BMPER: variants seen among roughly 807,000 people sequenced by gnomAD.
BMPER encodes the protein BMP binding endothelial regulator, also known as BMP-binding endothelial regulator protein.
A neutral mutation model predicts 87.3 loss-of-function variants in BMPER; 45 were observed. The ratio of observed to expected loss-of-function variants is 0.52; its 90% confidence interval spans 0.41 to 0.66. The LOEUF (loss-of-function observed/expected upper bound fraction) is 0.66. BMPER is among the 30% of genes least tolerant of loss of function. The pLI is 0.00. For synonymous variants in BMPER, 326 were observed against 316.2 expected (o/e 1.03, Z -0.33); for missense variants, 784 against 867.5 (o/e 0.90, Z 1.21).
At chr7:34,058,306 A>G (rs1257160055) in intron 10 of BMPER, 143 bp downstream of exon 10, 1 of 790,958 alleles carries the variant, frequency 1.3e-6, no homozygotes, top group Non-Finnish European at 2.2e-6. Context: ...CCTCTTGCAA[A>G]GTTTGCTCAT....
chr7:33,923,246 A>G (rs1026980743), intron 2 of BMPER, among the ~76,000 whole-genome samples: 4 of 152,334 alleles, frequency 2.6e-5, no homozygotes, highest in Middle Eastern at 3.4e-3. Flanking sequence ...ATAACAGAGA[A>G]GAAAAACTTA....
chr7:33,937,526 G>A (rs1188432565), intron 3 of BMPER, 138 bp downstream of exon 3: 2 of 779,558 alleles, frequency 2.6e-6, no homozygotes, highest in Non-Finnish European at 4.4e-6. Context: ...GTGTGTGTGT[G>A]TGTGTGTGTG....
In BMPER at chr7:33,906,884, G is replaced by C. The variant is rs1260913541; in HGVS notation, c.200G>C (p.Cys67Ser). 1 of 1,613,498 alleles carries C rather than the reference G, an allele frequency of 6.2e-7. No individual in the cohort carries two copies. Among genetic ancestry groups the C allele is most frequent in the East Asian group, 2.2e-5 (1 of 44,838 alleles). Residue 67 changes from cysteine to serine, a missense_variant, in exon 2 of 15, where the codon TGC (cysteine) becomes TCC (serine). Cys to Ser is a moderately radical substitution (Grantham distance 112, BLOSUM62 -1). Coordinates refer to ENST00000649409, the MANE Select transcript of BMPER (RefSeq NM_001365308.1). ...LQIPFITDNP[C>S]IMCVCLNKEV... ...ATTCCATTTATCACAGACAACCCTT[G>C]CATAATGTGTGTCTGCTTGGTAAGT...
chr7:34,102,909 T>C lies in BMPER; in HGVS notation c.1745+16817T>C, dbSNP rs1789719240. On this transcript the variant is annotated intron_variant, in intron 13 of 14. Coordinates refer to ENST00000649409, the MANE Select transcript of BMPER (RefSeq NM_001365308.1). ...GCTGGCCTCTGGGGGCTGTTTCGCA[T>C]GGTATGGTCAGGGAGGCCCTCTGGG... 2.0e-5 allele frequency among the ~76,000 whole-genome samples: 3 copies of C among 152,004 alleles called. No individual in the cohort carries two copies. In the South Asian group the frequency reaches 6.2e-4, roughly 31 times the overall value.
intron 13 of BMPER, among the ~76,000 whole-genome samples, chr7:34,125,534 T>A (rs1226996552): frequency 6.6e-6 from 1 of 152,220 alleles, no homozygotes; most frequent in Admixed American, 6.5e-5. Context: ...TATTTTTATA[T>A]CACTAGTTCT....
intron 3 of BMPER, among the ~76,000 whole-genome samples, chr7:33,937,763 A>G (rs1392052724): frequency 6.6e-6 from 1 of 151,980 alleles, no homozygotes; most frequent in Non-Finnish European, 1.5e-5. Context: ...CAGGCTCCAC[A>G]CTCACCCTGC....
intron 13 of BMPER, among the ~76,000 whole-genome samples, chr7:34,120,310 A>G (rs1355004175): frequency 2.6e-5 from 4 of 152,254 alleles, no homozygotes; most frequent in Non-Finnish European, 5.9e-5. Flanking sequence ...AGATATTCCA[A>G]AGATTGATGT....
chr7:34,109,548 TCTC>T (rs1789908096), intron 13 of BMPER, among the ~76,000 whole-genome samples: 2 of 152,172 alleles, frequency 1.3e-5, no homozygotes, highest in African/African-American at 2.4e-5. Context: ...ATCCAACAGC[TCTC>T]CTATTAATTT....
At chr7:34,087,299 G>A (rs1252759364) in intron 13 of BMPER, among the ~76,000 whole-genome samples, 1 of 152,164 alleles carries the variant, frequency 6.6e-6, no homozygotes, top group Admixed American at 6.5e-5. Flanking sequence ...CTCTTGTCTA[G>A]TGAAACTGAG....
At chr7:33,905,434 T>TCCCCCCCCCCCCCCCCCCCCCCCCCCCCC (rs1783782972), upstream of BMPER, 2 of 97,986 alleles carry the variant, frequency 2.0e-5, no homozygotes, top group Admixed American at 2.5e-4. Context: ...CACACCTTGG[T>TCCCCCCCCCCCCCCCCCCCCCCCCCCCCC]CTCTCCCCCC....
chr7:34,051,587 G>A (rs551409775), intron 7 of BMPER, among the ~76,000 whole-genome samples: 1 of 152,216 alleles, frequency 6.6e-6, no homozygotes, highest in South Asian at 2.1e-4. Flanking sequence ...GGGAGCTCAT[G>A]TCTTAGTGAT....
chr7:34,035,012 T>C (rs938530580), intron 6 of BMPER, among the ~76,000 whole-genome samples: 1 of 152,198 alleles, frequency 6.6e-6, no homozygotes, highest in Non-Finnish European at 1.5e-5. Flanking sequence ...GACTGTACAC[T>C]TGTTTTTCTT....
Position 34,058,005 on chromosome 7 carries a change from C to T in BMPER, c.928-54C>T, listed in dbSNP as rs2127963343. 3 of 1,534,646 alleles carry T rather than the reference C, an allele frequency of 2.0e-6. No homozygotes were observed. The East Asian group carries it at 6.8e-5, about 35-fold the overall frequency. On this transcript the variant is annotated intron_variant, in intron 9 of 14. Coordinates refer to ENST00000649409, the MANE Select transcript of BMPER (RefSeq NM_001365308.1). ...CCATGGAGAGGTTACAGTCTGTTGC[C>T]TCAACTCCTGTCAGCCTCCAGCTGC...
intron 3 of BMPER, among the ~76,000 whole-genome samples, chr7:33,955,678 G>A (rs112462892): frequency 0.013 from 1,980 of 152,208 alleles, 54 homozygotes; most frequent in African/African-American, 0.045. Context: ...GGTCTAAAAA[G>A]CACCTAGCAG....
At chr7:34,108,468 C>G (rs1460467311) in intron 13 of BMPER, among the ~76,000 whole-genome samples, 1 of 152,208 alleles carries the variant, frequency 6.6e-6, no homozygotes, top group African/African-American at 2.4e-5. Flanking sequence ...CTCTTGGTCA[C>G]CAATCTTACT....
rs368793677 is a variant in BMPER, at chr7:33,929,132, G to C, written c.220-8157G>C. On this transcript the variant is annotated intron_variant, in intron 2 of 14. Transcript: ENST00000649409. ...TTGTTCAGAGTTTGCACTGTGAGCT[G>C]GGCCGGAGGAGGCGTGTTTGCCAGG... Among the ~76,000 whole-genome samples, 23 of 152,262 alleles carry C rather than the reference G, an allele frequency of 1.5e-4. No homozygotes were observed. In the South Asian group the frequency reaches 4.8e-3, roughly 32 times the overall value.
chr7:34,065,199 A>ACTCTCT (rs372015069), intron 11 of BMPER, among the ~76,000 whole-genome samples: 1,663 of 93,626 alleles, frequency 0.018, 21 homozygotes, highest in African/African-American at 0.024. Context: ...ACACATACAC[A>ACTCTCT]CTCACTCTCT....
Position 34,112,285 on chromosome 7 carries a change from G to A in BMPER, c.1745+26193G>A, listed in dbSNP as rs182006147. On this transcript the variant is annotated intron_variant, in intron 13 of 14. Transcript: ENST00000649409. ...TGAGGCGGGCGGATCACAAGGTCAG[G>A]AGATTGAGACCATCCCGGCTAACAT... is the stretch of plus-strand genomic sequence containing the variant. Among the ~76,000 whole-genome samples, 716 of 151,820 alleles carry A rather than the reference G, an allele frequency of 4.7e-3. 4 individuals carry two copies. The highest frequency in any genetic ancestry group is 0.015 in the African/African-American group (639 of 41,408).
chr7:34,019,766 T>G (rs1206841329), intron 6 of BMPER, among the ~76,000 whole-genome samples: 1 of 151,856 alleles, frequency 6.6e-6, no homozygotes, highest in African/African-American at 2.4e-5. Context: ...AGAATGAAAG[T>G]CAACACACTA....
Sources: allele counts gnomAD v4.1 joint callset (sites outside exome capture counted in the v4.1 genomes callset), GRCh38; gene constraint gnomAD v4.1.1; transcripts MANE v1.5; gene names NCBI Gene and HGNC (gene_info 2026-07-23, HGNC 2026-07-21).